The following GPR137B variants were observed in gnomAD, a reference collection of about 807,000 sequenced individuals.
GPR137B encodes integral membrane protein GPR137B.
A neutral mutation model predicts 42.5 loss-of-function variants in GPR137B; 42 were observed. The observed-to-expected ratio is 0.99, with a 90% CI of 0.77 to 1.28. The LOEUF is 1.28. Ranked by LOEUF, GPR137B falls within the 50% of genes most tolerant of loss-of-function variation. The probability of loss-of-function intolerance (pLI) is 0.00; values close to 1 mark genes in which losing one functional copy is unlikely to be tolerated. For synonymous variants in GPR137B, 218 were observed against 209.7 expected (o/e 1.04, Z -0.34); for missense variants, 487 against 493.9 (o/e 0.99, Z 0.13).
At position 236,155,214 on chromosome 1, in the gene GPR137B, G is replaced by A. The variant is rs1245478013; in HGVS notation, c.414+12178G>A. On this transcript the variant is annotated intron_variant, in intron 1 of 6. Transcript: ENST00000366592. The surrounding 1 kb of genome is among the most constrained non-coding windows in gnomAD (Gnocchi z 4.6). Reference sequence around the variant, plus strand: ...CGGCCGGGCCGCAGCTATTCCTGCGGGGCTTCCAGGGCGGAGGACACGGGC... The same window carrying A: ...CGGCCGGGCCGCAGCTATTCCTGCGAGGCTTCCAGGGCGGAGGACACGGGC... Among the ~76,000 whole-genome samples, 1 of 152,236 alleles carries A rather than the reference G, an allele frequency of 6.6e-6. No homozygotes were observed. Among genetic ancestry groups the A allele is most frequent in the African/African-American group, 2.4e-5 (1 of 41,462 alleles).
chr1:236,187,920 C>A (rs981444998), intron 5 of GPR137B, among the ~76,000 whole-genome samples: 2 of 152,230 alleles, frequency 1.3e-5, no homozygotes, highest in Middle Eastern at 6.8e-3. Flanking sequence ...TTACTTTGGG[C>A]AGTATGGCCA....
Position 236,171,909 on chromosome 1 carries a change from C to A in GPR137B, c.464+3154C>A, listed in dbSNP as rs974116620. ...CAAAAATTAGCCAGGCATGATGGCG[C>A]ATGCCTGTAATCCCAGCTACTTGGG... On this transcript the variant is annotated intron_variant, in intron 2 of 6. Coordinates refer to ENST00000366592, the MANE Select transcript of GPR137B (RefSeq NM_003272.4). This position sits in a 1 kb window ranked among gnomAD's most constrained non-coding sequence, Gnocchi z 4.4. Among the ~76,000 whole-genome samples the A allele has an allele frequency of 2.0e-5, 3 of 152,066 alleles. No individual in the cohort carries two copies. Among genetic ancestry groups the A allele is most frequent in the Non-Finnish European group, 4.4e-5 (3 of 68,014 alleles).
At chr1:236,189,251 T>C (rs911306538) in intron 5 of GPR137B, among the ~76,000 whole-genome samples, 6 of 152,346 alleles carry the variant, frequency 3.9e-5, no homozygotes, top group Middle Eastern at 3.4e-3. Flanking sequence ...TCCATTTTGT[T>C]GATCTTTTCA....
At chr1:236,176,364 C>T (rs1662685441) in intron 2 of GPR137B, among the ~76,000 whole-genome samples, 1 of 152,160 alleles carries the variant, frequency 6.6e-6, no homozygotes, top group African/African-American at 2.4e-5. Context: ...CCACTGCAGC[C>T]ATGCTGGGGT....
At chr1:236,174,221 T>TA (rs1662623059) in intron 2 of GPR137B, among the ~76,000 whole-genome samples, 1 of 152,220 alleles carries the variant, frequency 6.6e-6, no homozygotes, top group Non-Finnish European at 1.5e-5. Context: ...CCTAAGATAA[T>TA]AACAGGCTTT....
intron 2 of GPR137B, among the ~76,000 whole-genome samples, chr1:236,169,220 G>T (rs534107381): frequency 7.1e-6 from 1 of 141,234 alleles, no homozygotes; most frequent in African/African-American, 3.2e-5. Context: ...GCAGGTACAG[G>T]TACAGGTACA....
In GPR137B at chr1:236,186,267, TATTATATATA is replaced by T. The variant is rs1374673055; in HGVS notation, c.966+2364_966+2373del. Among the ~76,000 whole-genome samples the T allele has an allele frequency of 1.1e-4, 8 of 73,468 alleles. 1 individual carries two copies. Among genetic ancestry groups the T allele is most frequent in the African/African-American group, 4.2e-4 (8 of 18,976 alleles). 48.2% of individuals were successfully genotyped at this position (73,468 alleles called of 152,430 possible). A position where few individuals can be genotyped will look rare whatever the true frequency, so the allele number is the denominator to read the frequency against. On this transcript the variant is annotated intron_variant, in intron 5 of 6. Coordinates refer to ENST00000366592, the MANE Select transcript of GPR137B (RefSeq NM_003272.4). The stretch of plus-strand genomic sequence containing the variant: ...TAAATAATATATAATATATATTATA[TATTATATATA>T]ATAATATAAATAATATATAATATAT...
chr1:236,205,271 A>T (rs904686485), intron 6 of GPR137B, 21 bp downstream of exon 6: 11 of 1,603,408 alleles, frequency 6.9e-6, no homozygotes, highest in Non-Finnish European at 8.5e-6. Context: ...ACTTCATGTT[A>T]GACAAGCCTC....
At chr1:236,146,815 A>T (rs1363408193) in intron 1 of GPR137B, among the ~76,000 whole-genome samples, 1 of 152,066 alleles carries the variant, frequency 6.6e-6, no homozygotes, top group East Asian at 1.9e-4. Context: ...TTCTAGTCAT[A>T]CTCGGTAATT....
chr1:236,204,021 C>T (rs1663577958), intron 5 of GPR137B, among the ~76,000 whole-genome samples: 1 of 152,034 alleles, frequency 6.6e-6, no homozygotes. Flanking sequence ...GTAGTTTTCC[C>T]CTATTCAGTA....
Position 236,142,789 on chromosome 1 carries a change from T to C in GPR137B, c.167T>C (p.Leu56Pro). The C allele has an allele frequency of 6.2e-7, 1 of 1,613,988 alleles. No individual in the cohort carries two copies. The highest frequency in any genetic ancestry group is 8.5e-7 in the Non-Finnish European group (1 of 1,179,972). Residue 56 changes from leucine (L) to proline (P), a missense_variant, in exon 1 of 7, where the codon CTC (leucine) becomes CCC (proline). By Grantham distance (98) the Leu-to-Pro change is moderately conservative. Transcript: ENST00000366592. ...GTCTACACCGTGTTCTACGCGCTGC[T>C]CTTCGTGTTCATCTACGTGCAGCTC... ...TVVYTVFYAL[L>P]FVFIYVQLWL...
chr1:236,185,152 A>G (rs1216324394), intron 5 of GPR137B, among the ~76,000 whole-genome samples: 1 of 152,226 alleles, frequency 6.6e-6, no homozygotes, highest in East Asian at 1.9e-4. Flanking sequence ...CTTAATATAG[A>G]TGACCTAATA....
At position 236,171,998 on chromosome 1, in the gene GPR137B, C is replaced by G. The variant is rs1662549545; in HGVS notation, c.464+3243C>G. 6.7e-6 allele frequency among the ~76,000 whole-genome samples: 1 copy of G among 149,478 alleles called. No homozygotes were observed. The highest frequency in any genetic ancestry group is 2.5e-5 in the African/African-American group (1 of 40,028). On this transcript the variant is annotated intron_variant, in intron 2 of 6. Transcript: ENST00000366592. This position sits in a 1 kb window ranked among gnomAD's most constrained non-coding sequence, Gnocchi z 4.4. The stretch of plus-strand genomic sequence containing the variant: ...AGGTTGCAGTGAGCCGAGATTGTGC[C>G]ATTGCACTCCAGCCTGGGCAACAAG...
rs1553363536 is a variant in GPR137B at position 236,173,415 on chromosome 1, AG to A, written c.464+4661del. 2.9e-4 allele frequency among the ~76,000 whole-genome samples: 17 copies of A among 59,080 alleles called. No individual in the cohort carries two copies. The South Asian group carries it at 6.1e-3, about 21-fold the overall frequency. 38.8% of individuals were successfully genotyped at this position (59,080 alleles called of 152,430 possible). A position where few individuals can be genotyped will look rare whatever the true frequency, so the allele number is the denominator to read the frequency against. On this transcript the variant is annotated intron_variant, in intron 2 of 6. Coordinates refer to ENST00000366592, the MANE Select transcript of GPR137B (RefSeq NM_003272.4). ...CAGGTAGGGAAAGAGAGAGAGAGAG[AG>A]AGGAAGGAGGGAGGGAGGGAAGGAG...
At chr1:236,178,752 G>A (rs576600861) in intron 3 of GPR137B, 116 bp downstream of exon 3, 80 of 322,858 alleles carry the variant, frequency 2.5e-4, no homozygotes, top group African/African-American at 1.6e-3. Context: ...GACTTTCTCC[G>A]TTTTATTGTC....
intron 1 of GPR137B, among the ~76,000 whole-genome samples, chr1:236,143,288 C>T (rs1202023437): frequency 6.6e-6 from 1 of 152,262 alleles, no homozygotes; most frequent in Non-Finnish European, 1.5e-5. Context: ...TCACTCGCTG[C>T]CCCTGGCTCC....
At chr1:236,197,302 A>AT (rs891665100) in intron 5 of GPR137B, among the ~76,000 whole-genome samples, 6 of 152,236 alleles carry the variant, frequency 3.9e-5, no homozygotes, top group African/African-American at 1.4e-4. Flanking sequence ...TGCTGGATGC[A>AT]TAGTCTGTGA....
At chr1:236,158,372 C>T (rs756505003) in intron 1 of GPR137B, among the ~76,000 whole-genome samples, 1 of 152,114 alleles carries the variant, frequency 6.6e-6, no homozygotes, top group Non-Finnish European at 1.5e-5. Context: ...TGCAGTGAGC[C>T]GAGATGGCAC....
intron 5 of GPR137B, among the ~76,000 whole-genome samples, chr1:236,184,731 C>T (rs1161439444): frequency 6.6e-6 from 1 of 151,960 alleles, no homozygotes; most frequent in Non-Finnish European, 1.5e-5. Flanking sequence ...ATTCTGGTTC[C>T]AGAGTCAATG....
Sources: allele counts gnomAD v4.1 joint callset (sites outside exome capture counted in the v4.1 genomes callset), GRCh38; gene constraint gnomAD v4.1.1; non-coding constraint Gnocchi (gnomAD v3.1); transcripts MANE v1.5; gene names NCBI Gene and HGNC (gene_info 2026-07-23, HGNC 2026-07-21).